PCDH11X: variants seen among roughly 807,000 people sequenced by gnomAD.
PCDH11X encodes the protein protocadherin-11 X-linked.
A neutral mutation model predicts 53.3 loss-of-function variants in PCDH11X; 18 were observed. The observed-to-expected ratio is 0.34, with a 90% CI of 0.23 to 0.50. PCDH11X has a LOEUF of 0.50. PCDH11X is among the 20% of genes least tolerant of loss of function. The pLI is 0.98. For synonymous variants in PCDH11X, 279 were observed against 393.3 expected (o/e 0.71, Z 3.44); for missense variants, 570 against 1,032.4 (o/e 0.55, Z 6.14).
In PCDH11X at chrX:91,879,061, T is replaced by C. The variant is rs767177712; in HGVS notation, c.2821T>C (p.Ser941Pro). 3.8e-5 allele frequency: 46 copies of C among 1,209,075 alleles called. No homozygotes were observed. Among genetic ancestry groups the C allele is most frequent in the Non-Finnish European group, 5.1e-5 (46 of 895,055 alleles). Residue 941 changes from serine (S) to proline (P), a missense_variant, in exon 6 of 11, where the codon TCT becomes CCT. Coordinates refer to ENST00000682573, the MANE Select transcript of PCDH11X (RefSeq NM_032968.5). ...CCCTGATTTGGCCCGACACTACAAA[T>C]CTGCCTCTCCACAGCCTGCCTTCCA... is the stretch of plus-strand genomic sequence containing the variant. ...DSPDLARHYKSASPQPAFQIQ... is the reference protein window; with the variant it reads ...DSPDLARHYKPASPQPAFQIQ...
chrX:91,800,127 T>C (rs1935881059), intron 1 of PCDH11X, among the ~76,000 whole-genome samples: 1 of 110,916 alleles, frequency 9.0e-6, no homozygotes, highest in Non-Finnish European at 1.9e-5. Flanking sequence ...TTCACACTCT[T>C]CCATTTTCTC....
intron 7 of PCDH11X, among the ~76,000 whole-genome samples, chrX:92,215,920 C>T (rs2066699103): frequency 9.1e-6 from 1 of 110,449 alleles, no homozygotes; most frequent in Non-Finnish European, 1.9e-5. Context: ...TCTGCAGCCA[C>T]CGCTGCTGAT....
chrX:91,789,200 C>CAAAAAAA lies in PCDH11X; in HGVS notation c.-379+9533_-379+9539dup, dbSNP rs764959497. On this transcript the variant is annotated intron_variant, in intron 1 of 10. Coordinates refer to ENST00000682573, the MANE Select transcript of PCDH11X (RefSeq NM_032968.5). ...CTGGCAACAGAGCAGGACTCCGTCT[C>CAAAAAAA]AAAAAAAAAAAAAAAAAAAAAAAGA... 1.7e-4 allele frequency among the ~76,000 whole-genome samples: 8 copies of CAAAAAAA among 47,170 alleles called. No individual in the cohort carries two copies. The Admixed American group carries it at 1.7e-3, about 10-fold the overall frequency. The allele number at this position is 47,170 out of a possible 115,157, so 41.0% of individuals were successfully genotyped here. A position where few individuals can be genotyped will look rare whatever the true frequency, so the allele number is the denominator to read the frequency against.
intron 7 of PCDH11X, among the ~76,000 whole-genome samples, chrX:92,230,250 C>A (rs1307295078): frequency 9.5e-6 from 1 of 105,474 alleles, no homozygotes; most frequent in African/African-American, 3.4e-5. Flanking sequence ...GAAATATGAG[C>A]TATTTTCCTC....
chrX:92,102,098 G>A (rs967982854), intron 6 of PCDH11X, among the ~76,000 whole-genome samples: 3 of 111,088 alleles, frequency 2.7e-5, no homozygotes, highest in African/African-American at 9.8e-5. Context: ...GGGGTCAGGT[G>A]TGGTATCAGG....
At chrX:92,269,082 C>T (rs747220681) in intron 8 of PCDH11X, among the ~76,000 whole-genome samples, 1 of 112,146 alleles carries the variant, frequency 8.9e-6, no homozygotes, top group South Asian at 3.7e-4. Flanking sequence ...TTTAAGTTCA[C>T]CAGTTTATTA....
At chrX:92,612,265 A>T (rs1927478008) in intron 10 of PCDH11X, among the ~76,000 whole-genome samples, 2 of 110,724 alleles carry the variant, frequency 1.8e-5, no homozygotes, top group Admixed American at 9.6e-5. Flanking sequence ...AAAATTACTG[A>T]TACAATCTCA....
At chrX:92,370,257 G>A (rs2522629) in intron 8 of PCDH11X, among the ~76,000 whole-genome samples, 43,067 of 107,949 alleles carry the variant, frequency 0.4, 6,798 homozygotes, top group Non-Finnish European at 0.48. Flanking sequence ...TCATTCCATT[G>A]TGATTGCAAA....
At chrX:91,997,970 G>C (rs1220527777) in intron 6 of PCDH11X, among the ~76,000 whole-genome samples, 1 of 105,003 alleles carries the variant, frequency 9.5e-6, no homozygotes, top group Non-Finnish European at 2.0e-5. Context: ...GTCTCATTCT[G>C]TCACCCAGGC....
At chrX:92,204,094 G>T (rs746665184) in intron 7 of PCDH11X, among the ~76,000 whole-genome samples, 1 of 111,400 alleles carries the variant, frequency 9.0e-6, no homozygotes, top group African/African-American at 3.3e-5. Flanking sequence ...GAAGGCCCTG[G>T]CCCAGCCCAT....
At chrX:92,321,694 T>A (rs891895990) in intron 8 of PCDH11X, among the ~76,000 whole-genome samples, 1 of 111,355 alleles carries the variant, frequency 9.0e-6, no homozygotes, top group Non-Finnish European at 1.9e-5. Context: ...TGTCATCTTA[T>A]GATCTCAATT....
chrX:92,047,565 T>C (rs1176643770), intron 6 of PCDH11X, among the ~76,000 whole-genome samples: 1 of 107,739 alleles, frequency 9.3e-6, no homozygotes, highest in African/African-American at 3.4e-5. Context: ...AAAGCTGACA[T>C]ATGGCACAGT....
At chrX:92,572,432 G>A (rs1378477571) in intron 10 of PCDH11X, among the ~76,000 whole-genome samples, 1 of 105,216 alleles carries the variant, frequency 9.5e-6, no homozygotes, top group Non-Finnish European at 2.0e-5. Context: ...TGAATTTTAT[G>A]AATTTATGTC....
At chrX:92,256,270 C>T (rs1005368654) in intron 7 of PCDH11X, among the ~76,000 whole-genome samples, 2 of 111,598 alleles carry the variant, frequency 1.8e-5, no homozygotes, top group East Asian at 2.9e-4. Context: ...TTGCACTTCC[C>T]GAGTGAGGCA....
At chrX:92,594,805 A>G (rs1219138360) in intron 10 of PCDH11X, among the ~76,000 whole-genome samples, 3 of 106,237 alleles carry the variant, frequency 2.8e-5, no homozygotes, top group Admixed American at 1.0e-4. Flanking sequence ...TGAAAAACCA[A>G]AATAATCTTC....
At chrX:91,958,150 C>T (rs1254894734) in intron 6 of PCDH11X, among the ~76,000 whole-genome samples, 2 of 111,650 alleles carry the variant, frequency 1.8e-5, no homozygotes, top group Admixed American at 9.5e-5. Context: ...TCTACCAAAC[C>T]ACAGAGATGG....
At chrX:92,335,955 A>G (rs2069607974) in intron 8 of PCDH11X, among the ~76,000 whole-genome samples, 1 of 111,375 alleles carries the variant, frequency 9.0e-6, no homozygotes, top group Non-Finnish European at 1.9e-5. Flanking sequence ...GTTGGTGGTC[A>G]TAGTAGCAAA....
At chrX:91,926,143 G>T (rs1398912733) in intron 6 of PCDH11X, among the ~76,000 whole-genome samples, 19 of 102,495 alleles carry the variant, frequency 1.9e-4, no homozygotes, top group African/African-American at 6.9e-4. Flanking sequence ...TTTATTATAA[G>T]AAATTAAAGC....
At chrX:92,242,579 AACATTAGTGT>A (rs2067279981) in intron 7 of PCDH11X, among the ~76,000 whole-genome samples, 1 of 111,788 alleles carries the variant, frequency 8.9e-6, no homozygotes, top group Non-Finnish European at 1.9e-5. Flanking sequence ...TAAAGCTATG[AACATTAGTGT>A]ACAATCTTTT....
Sources: allele counts gnomAD v4.1 joint callset (sites outside exome capture counted in the v4.1 genomes callset), GRCh38; gene constraint gnomAD v4.1.1; transcripts MANE v1.5; gene names NCBI Gene and HGNC (gene_info 2026-07-23, HGNC 2026-07-21).